SORCS1: variants seen among roughly 807,000 people sequenced by gnomAD.
SORCS1 encodes sortilin related VPS10 domain containing receptor 1.
SORCS1 carries 60 observed loss-of-function variants against 146.1 expected under a neutral mutation model. The ratio of observed to expected loss-of-function variants is 0.41; its 90% confidence interval spans 0.33 to 0.51. SORCS1 has a LOEUF of 0.51. SORCS1 is among the 20% of genes least tolerant of loss of function. The probability of loss-of-function intolerance (pLI) is 0.21; values close to 1 mark genes in which losing one functional copy is unlikely to be tolerated. For synonymous variants in SORCS1, 637 were observed against 584.0 expected (o/e 1.09, Z -1.31); for missense variants, 1,352 against 1,487.6 (o/e 0.91, Z 1.50).
intron 2 of SORCS1, among the ~76,000 whole-genome samples, chr10:106,945,820 T>C (rs538021924): frequency 6.6e-6 from 1 of 152,240 alleles, no homozygotes; most frequent in Admixed American, 6.5e-5. Context: ...AGAGCAGGGG[T>C]GCAAGCTGAG....
At chr10:106,865,494 TG>T (rs2137500674) in intron 2 of SORCS1, among the ~76,000 whole-genome samples, 1 of 151,850 alleles carries the variant, frequency 6.6e-6, no homozygotes, top group East Asian at 2.0e-4. Context: ...GAGGCCTAGG[TG>T]GGTGGATTGC....
Position 106,807,880 on chromosome 10 carries a change from C to T in SORCS1, c.726+21694G>A, listed in dbSNP as rs117830186. ...GCTGTATTAGTTTGCAATGTCAATG[C>T]ATTCTTTACATCTTCCCATTTGCCA... On this transcript the variant is annotated intron_variant, in intron 3 of 25. Transcript: ENST00000263054. Among the ~76,000 whole-genome samples, 67 of 152,364 alleles carry T rather than the reference C, an allele frequency of 4.4e-4. 1 individual carries two copies. The East Asian group carries it at 9.8e-3, about 22-fold the overall frequency.
At chr10:106,709,949 A>G (rs1430039959) in intron 6 of SORCS1, among the ~76,000 whole-genome samples, 2 of 152,070 alleles carry the variant, frequency 1.3e-5, no homozygotes, top group Non-Finnish European at 1.5e-5. Flanking sequence ...CCCAAACCCA[A>G]ATGAAAATAT....
intron 10 of SORCS1, among the ~76,000 whole-genome samples, chr10:106,683,369 A>G (rs561924505): frequency 3.3e-4 from 50 of 152,292 alleles, no homozygotes; most frequent in African/African-American, 1.2e-3. Flanking sequence ...AGTGACTACC[A>G]TTCTGTCTCT....
At chr10:106,840,901 G>A (rs1414635572) in intron 2 of SORCS1, among the ~76,000 whole-genome samples, 2 of 147,922 alleles carry the variant, frequency 1.4e-5, no homozygotes, top group African/African-American at 5.0e-5. Context: ...CTGTCGCCAG[G>A]CTGGAGTGCA....
intron 1 of SORCS1, among the ~76,000 whole-genome samples, chr10:107,127,980 A>G (rs1408299744): frequency 6.6e-6 from 1 of 152,250 alleles, no homozygotes; most frequent in Non-Finnish European, 1.5e-5. Flanking sequence ...GATTTCAGCT[A>G]TTTCACAGAT....
chr10:106,620,628 T>C, intron 19 of SORCS1, 67 bp from the exon 20 acceptor site: 1 of 1,542,384 alleles, frequency 6.5e-7, no homozygotes. Context: ...CTCCCTGCTC[T>C]GAAGAGATCA....
At chr10:107,098,840 A>C (rs189273953) in intron 1 of SORCS1, among the ~76,000 whole-genome samples, 1 of 152,348 alleles carries the variant, frequency 6.6e-6, no homozygotes, top group African/African-American at 2.4e-5. Flanking sequence ...CCATTTTAAG[A>C]ATAAGAAAAC....
chr10:106,586,469 T>A (rs4917477), intron 24 of SORCS1, among the ~76,000 whole-genome samples: 55,294 of 151,822 alleles, frequency 0.36, 12,436 homozygotes, highest in East Asian at 0.73. Context: ...TCCCCTGGGA[T>A]ACTGCATTTC....
chr10:107,180,385 TTGG>T, the SORCS1 span, among the ~76,000 whole-genome samples: 18 of 152,120 alleles, frequency 1.2e-4, no homozygotes, highest in African/African-American at 4.1e-4. Flanking sequence ...GCCAAAGGTG[TTGG>T]CTGGGCTTAG....
At chr10:106,878,619 A>AGTGTAT (rs890424506) in intron 2 of SORCS1, among the ~76,000 whole-genome samples, 4 of 34,936 alleles carry the variant, frequency 1.1e-4, no homozygotes, top group African/African-American at 4.2e-4. Flanking sequence ...TAAACTACCT[A>AGTGTAT]GTATATATAT....
Position 107,115,007 on chromosome 10 carries a change from C to T in SORCS1, c.558+48962G>A, listed in dbSNP as rs556474841. ...ACAGAAATTGAGATCCCATTTACAACAGCATCAAAAATAAGATACTTAAGA... is the reference window on the plus strand; with the variant it reads ...ACAGAAATTGAGATCCCATTTACAATAGCATCAAAAATAAGATACTTAAGA... On this transcript the variant is annotated intron_variant, in intron 1 of 25. Transcript: ENST00000263054. 2.6e-5 allele frequency among the ~76,000 whole-genome samples: 4 copies of T among 152,046 alleles called. No individual in the cohort carries two copies. In the South Asian group the frequency reaches 8.3e-4, roughly 32 times the overall value.
chr10:106,702,836 G>A (rs1854230489), intron 8 of SORCS1, among the ~76,000 whole-genome samples: 1 of 152,152 alleles, frequency 6.6e-6, no homozygotes, highest in African/African-American at 2.4e-5. Context: ...AGAGCAAGGT[G>A]TGATCTTACA....
intron 2 of SORCS1, among the ~76,000 whole-genome samples, chr10:106,854,509 T>G (rs541890499): frequency 6.6e-6 from 1 of 152,060 alleles, no homozygotes; most frequent in East Asian, 2.0e-4. Context: ...TCTTTTTGTT[T>G]CCTTTATTCT....
chr10:107,046,709 A>G (rs934936297), intron 1 of SORCS1, among the ~76,000 whole-genome samples: 3 of 152,214 alleles, frequency 2.0e-5, no homozygotes, highest in African/African-American at 7.2e-5. Context: ...TTGATTCCAA[A>G]GAAGGGATTA....
At chr10:106,821,632 T>C (rs1418587906) in intron 3 of SORCS1, among the ~76,000 whole-genome samples, 1 of 152,204 alleles carries the variant, frequency 6.6e-6, no homozygotes, top group African/African-American at 2.4e-5. Flanking sequence ...AAAAAATACT[T>C]TGTACTAGGC....
At chr10:106,749,829 A>G (rs2136169304) in intron 5 of SORCS1, among the ~76,000 whole-genome samples, 1 of 152,312 alleles carries the variant, frequency 6.6e-6, no homozygotes. Flanking sequence ...CCTTACAATG[A>G]GTATACGAGG....
At chr10:106,983,128 A>G (rs1012612364) in intron 1 of SORCS1, among the ~76,000 whole-genome samples, 5 of 148,244 alleles carry the variant, frequency 3.4e-5, no homozygotes, top group African/African-American at 1.2e-4. Context: ...ATATATTTCT[A>G]TAAATATATA....
At chr10:106,894,041 A>G (rs1403214186) in intron 2 of SORCS1, among the ~76,000 whole-genome samples, 1 of 152,226 alleles carries the variant, frequency 6.6e-6, no homozygotes, top group East Asian at 1.9e-4. Context: ...AAAAAATACA[A>G]ATTAGGAGAA....
Sources: allele counts gnomAD v4.1 joint callset (sites outside exome capture counted in the v4.1 genomes callset), GRCh38; gene constraint gnomAD v4.1.1; transcripts MANE v1.5; gene names NCBI Gene and HGNC (gene_info 2026-07-23, HGNC 2026-07-21).